The following DGLUCY variants were observed in gnomAD, a reference collection of about 807,000 sequenced individuals.
DGLUCY encodes D-glutamate cyclase, mitochondrial.
Under a neutral mutation model 58.5 loss-of-function variants are expected in DGLUCY, and 58 were observed. That is an observed-to-expected ratio of 0.99 (90% CI 0.80 to 1.23). The LOEUF is 1.23. Ranked by LOEUF, DGLUCY falls within the 50% of genes most tolerant of loss-of-function variation. The pLI is 0.00. For missense variants in DGLUCY, 779 were observed against 784.7 expected, an observed-to-expected ratio of 0.99 and a Z score of 0.09; for synonymous variants, 325 against 314.1, an observed-to-expected ratio of 1.03 and a Z score of -0.37.
chr14:91,223,654 CA>C, intron 13 of DGLUCY: 3 of 1,275,604 alleles, frequency 2.4e-6, no homozygotes, highest in Non-Finnish European at 3.1e-6. Flanking sequence ...AGGATCAAAC[CA>C]CTTTTTTTTT....
chr14:91,183,605 C>A (rs946724999), intron 8 of DGLUCY, among the ~76,000 whole-genome samples: 1 of 152,156 alleles, frequency 6.6e-6, no homozygotes, highest in African/African-American at 2.4e-5. Flanking sequence ...AGGCAACAGG[C>A]TGCAAGCATT....
Position 91,173,321 on chromosome 14 carries a change from C to T in DGLUCY, c.489C>T (p.Phe163=). The part of the protein sequence containing the change: ...TTVPCVTHAG[F]CCPLVVTMRP... Reference sequence around the variant, plus strand: ...TGCCTTGTGTTACCCATGCTGGCTTCTGCTGCCCTCTGGTGGTCACGATGA... The same window carrying T: ...TGCCTTGTGTTACCCATGCTGGCTTTTGCTGCCCTCTGGTGGTCACGATGA... Residue 163 remains phenylalanine (F), a synonymous_variant, in exon 6 of 14, where the codon TTC becomes TTT. Transcript: ENST00000256324. The T allele has an allele frequency of 1.9e-6, 3 of 1,609,692 alleles. No homozygotes were observed. The highest frequency in any genetic ancestry group is 2.5e-6 in the Non-Finnish European group (3 of 1,179,100).
At chr14:91,105,318 C>CA (rs1268426058), upstream of DGLUCY, among the ~76,000 whole-genome samples, 1 of 150,458 alleles carries the variant, frequency 6.6e-6, no homozygotes, top group Non-Finnish European at 1.5e-5. Flanking sequence ...CCATCTCACA[C>CA]AAAAAAAGAA....
At chr14:91,148,544 A>C (rs1048765279) in intron 1 of DGLUCY, 2 of 152,148 alleles carry the variant, frequency 1.3e-5, no homozygotes, top group African/African-American at 4.8e-5. Flanking sequence ...AAAACTCAAT[A>C]ACATCATTAA....
chr14:91,089,909 A>G (rs151224527), intron 1 of DGLUCY, among the ~76,000 whole-genome samples: 1 of 151,934 alleles, frequency 6.6e-6, no homozygotes, highest in Non-Finnish European at 1.5e-5. Flanking sequence ...ATGAAAAGGG[A>G]CGTTATTAGT....
chr14:91,084,099 TTGAA>T (rs1449750287), intron 1 of DGLUCY, among the ~76,000 whole-genome samples: 1 of 152,160 alleles, frequency 6.6e-6, no homozygotes, highest in Non-Finnish European at 1.5e-5. Flanking sequence ...ATACATGTTG[TTGAA>T]TGAATGAGGG....
At chr14:91,185,999 CATAATA>C (rs937409655) in intron 8 of DGLUCY, among the ~76,000 whole-genome samples, 7 of 151,284 alleles carry the variant, frequency 4.6e-5, no homozygotes, top group Non-Finnish European at 7.4e-5. Flanking sequence ...ACTCACTGGA[CATAATA>C]ATAGACCCAC....
At chr14:91,224,388 CTA>C (rs980580443) in intron 13 of DGLUCY, among the ~76,000 whole-genome samples, 13 of 152,148 alleles carry the variant, frequency 8.5e-5, no homozygotes, top group African/African-American at 3.1e-4. Flanking sequence ...AACTAAGAAA[CTA>C]TGTTTCCATT....
chr14:91,094,442 A>C (rs1340857219), intron 1 of DGLUCY, among the ~76,000 whole-genome samples: 1 of 151,440 alleles, frequency 6.6e-6, no homozygotes, highest in Non-Finnish European at 1.5e-5. Context: ...CCCCAAAAAA[A>C]AAAAAGCAAC....
At chr14:91,061,588 GAGGC>G (rs2043685896) in intron 1 of DGLUCY, among the ~76,000 whole-genome samples, 1 of 152,188 alleles carries the variant, frequency 6.6e-6, no homozygotes, top group Non-Finnish European at 1.5e-5. Context: ...TTAGGGCAAG[GAGGC>G]ATTTGAGATA....
In DGLUCY at chr14:91,215,537, C is replaced by G. The variant is rs765230327; in HGVS notation, c.1697C>G (p.Ala566Gly). 1.2e-6 allele frequency: 2 copies of G among 1,614,024 alleles called. No homozygotes were observed. Among genetic ancestry groups the G allele is most frequent in the South Asian group, 1.1e-5 (1 of 91,086 alleles). The change falls in exon 13 of 14, where the codon GCC becomes GGC. Residue 566 changes from alanine to glycine, a missense_variant. By Grantham distance (60) the Ala-to-Gly change is moderately conservative (BLOSUM62 0). Transcript: ENST00000256324. Reference sequence around the variant, plus strand: ...CCTGGAGATCAGGCCTGGACTCAGGCCCTCCCGTCGGTCATTAAGGTAACA... The same window carrying G: ...CCTGGAGATCAGGCCTGGACTCAGGGCCTCCCGTCGGTCATTAAGGTAACA... The part of the protein sequence containing the change: ...RAPGDQAWTQ[A>G]LPSVIKEEKM...
intron 1 of DGLUCY, among the ~76,000 whole-genome samples, chr14:91,135,870 A>G (rs949023821): frequency 1.3e-5 from 2 of 151,308 alleles, no homozygotes; most frequent in Non-Finnish European, 2.9e-5. Context: ...CACTTTTGTA[A>G]TAGTAAACCA....
At chr14:91,191,526 C>A (rs1438255295) in intron 9 of DGLUCY, among the ~76,000 whole-genome samples, 1 of 152,178 alleles carries the variant, frequency 6.6e-6, no homozygotes, top group Non-Finnish European at 1.5e-5. Context: ...GCCCCACTCC[C>A]TAGAGCAGCA....
chr14:91,203,573 TAC>T (rs1595910279), intron 11 of DGLUCY, among the ~76,000 whole-genome samples: 1 of 152,168 alleles, frequency 6.6e-6, no homozygotes, highest in East Asian at 1.9e-4. Flanking sequence ...ACATCTAGTT[TAC>T]AGACTCCTCT....
intron 1 of DGLUCY, among the ~76,000 whole-genome samples, chr14:91,137,518 T>C (rs2046408811): frequency 6.6e-6 from 1 of 151,872 alleles, no homozygotes; most frequent in Non-Finnish European, 1.5e-5. Flanking sequence ...CCTGAGTGGC[T>C]GGGACTACAG....
In DGLUCY at chr14:91,143,061, C is replaced by T. The variant is rs1399952690; in HGVS notation, c.-81-14578C>T. 1.6e-4 allele frequency among the ~76,000 whole-genome samples: 23 copies of T among 144,884 alleles called. 1 individual carries two copies. The highest frequency in any genetic ancestry group is 5.4e-4 in the African/African-American group (21 of 39,218). Reference sequence around the variant, plus strand: ...AAAAAAAAAAAAAAGGATCTAATGGCAGTTTTGGCAGTTCTTTTTTTGTTT... The same window carrying T: ...AAAAAAAAAAAAAAGGATCTAATGGTAGTTTTGGCAGTTCTTTTTTTGTTT... On this transcript the variant is annotated intron_variant, in intron 1 of 13. Transcript: ENST00000256324.
intron 1 of DGLUCY, among the ~76,000 whole-genome samples, chr14:91,142,978 C>T (rs1233424045): frequency 7.2e-6 from 1 of 139,808 alleles, no homozygotes; most frequent in African/African-American, 2.7e-5. Context: ...TGCAGTGAGC[C>T]GAGATCGTGC....
chr14:91,083,319 C>T (rs1276171341), intron 1 of DGLUCY, among the ~76,000 whole-genome samples: 5 of 152,066 alleles, frequency 3.3e-5, no homozygotes, highest in South Asian at 4.1e-4. Context: ...GTCAGGAGTT[C>T]GAGACCGGCC....
intron 9 of DGLUCY, among the ~76,000 whole-genome samples, chr14:91,195,336 T>A (rs1168597772): frequency 1.3e-5 from 2 of 152,224 alleles, no homozygotes. Context: ...ATTTTGGGAT[T>A]TTTGTGTATT....
Sources: gnomAD v4.1 joint callset for allele counts (sites outside exome capture counted in the v4.1 genomes callset) on GRCh38, gnomAD v4.1.1 for gene constraint, MANE v1.5 for transcripts, NCBI Gene and HGNC (gene_info 2026-07-23, HGNC 2026-07-21) for gene names.